DHX38: variants seen among roughly 807,000 people sequenced by gnomAD.
DHX38 encodes pre-mRNA-splicing factor ATP-dependent RNA helicase PRP16.
In DHX38, 100 loss-of-function variants were observed where a neutral mutation model predicts 153.1. The ratio of observed to expected loss-of-function variants is 0.65; its 90% CI spans 0.56 to 0.77. The LOEUF (loss-of-function observed/expected upper bound fraction) is 0.77. Among genes scored for constraint, DHX38 ranks in the 30% least tolerant of loss-of-function variants. The pLI, the probability that DHX38 is intolerant of heterozygous loss-of-function variation, is 0.00. For missense variants in DHX38, 1,440 were observed against 1,654.0 expected (o/e 0.87, Z 2.24); for synonymous variants, 650 against 631.7 (o/e 1.03, Z -0.43).
chr16:72,094,034 A>G lies in DHX38; in HGVS notation c.-37A>G, dbSNP rs2041966682. On this transcript the variant is annotated 5_prime_UTR_variant, in exon 1 of 27. Transcript: ENST00000268482. ...CAGAATCCGGGACAGAAGGGTCCCA[A>G]GAGTCGCGCTTGGTGAGGTGAGAGT... 6.6e-6 allele frequency: 1 copy of G among 152,366 alleles called. No individual in the cohort carries two copies. 9.4% of individuals were successfully genotyped at this position (152,366 alleles called of 1,614,324 possible). A position where few individuals can be genotyped will look rare whatever the true frequency, so the allele number is the denominator to read the frequency against.
Position 72,104,382 on chromosome 16 carries a change from T to C in DHX38, c.2011-104T>C. On this transcript the variant is annotated intron_variant, in intron 14 of 26. Transcript: ENST00000268482. This position sits in a 1 kb window ranked among gnomAD's most constrained non-coding sequence, Gnocchi z 4.5. ...TTGGTAAGAATTGAATAGGCCCATT[T>C]GTCAGCTTTGGCTTGTGTTTCCTCG... 4.7e-6 allele frequency: 7 copies of C among 1,485,228 alleles called. 1 individual carries two copies. The South Asian group carries it at 8.7e-5, about 18-fold the overall frequency. 92.0% of individuals were successfully genotyped at this position (1,485,228 alleles called of 1,614,324 possible).
rs200567958 is a variant in DHX38, at chr16:72,104,647, C to T, written c.2151+21C>T. 3.3e-5 allele frequency: 53 copies of T among 1,613,822 alleles called. No homozygotes were observed. The highest frequency in any genetic ancestry group is 4.0e-5 in the African/African-American group (3 of 75,046). On this transcript the variant is annotated intron_variant, in intron 15 of 26. Coordinates refer to ENST00000268482, the MANE Select transcript of DHX38 (RefSeq NM_014003.4). This position sits in a 1 kb window ranked among gnomAD's most constrained non-coding sequence, Gnocchi z 4.5. Reference sequence around the variant, plus strand: ...GCAAGGTATTGAGGCCACCATGTTACGAACTGACCCTTCCATGCCACGCAC... The same window carrying T: ...GCAAGGTATTGAGGCCACCATGTTATGAACTGACCCTTCCATGCCACGCAC...
At position 72,103,765 on chromosome 16, in the gene DHX38, A is replaced by G. The variant is rs2042132935; in HGVS notation, c.1801A>G (p.Met601Val). Reference protein sequence around the residue: ...MSVAKRVSEEMGGNLGEEVGY... With the variant: ...MSVAKRVSEEVGGNLGEEVGY... ...AGTGGCCAAGAGAGTCAGTGAAGAG[A>G]TGGGGGGAAACCTTGGCGAGGAGGT... Residue 601 changes from methionine (M) to valine (V), a missense_variant, in exon 13 of 27, where the codon ATG (methionine) becomes GTG (valine). Met to Val is a conservative substitution (Grantham distance 21, BLOSUM62 1). Around this residue, in one of 6 missense-constraint regions of DHX38, gnomAD observed 241 missense variants for 229.5 expected, o/e 1.05. Coordinates refer to ENST00000268482, the MANE Select transcript of DHX38 (RefSeq NM_014003.4). 1.2e-6 allele frequency: 2 copies of G among 1,612,524 alleles called. No homozygotes were observed. The highest frequency in any genetic ancestry group is 1.6e-4 in the Middle Eastern group (1 of 6,078).
chr16:72,104,542 G>A lies in DHX38; in HGVS notation c.2067G>A (p.Ala689=), dbSNP rs199994362. The A allele has an allele frequency of 3.0e-4, 485 of 1,614,120 alleles. 4 individuals are homozygous for A. The South Asian group carries it at 4.3e-3, about 14-fold the overall frequency. The change falls in exon 15 of 27, where the codon GCG becomes GCA. Residue 689 remains alanine, a synonymous_variant. Transcript: ENST00000268482. This position sits in a 1 kb window ranked among gnomAD's most constrained non-coding sequence, Gnocchi z 4.5. ...TCGTCACATCAGCCACGATGGATGC[G>A]GAGAAGTTTGCTGCCTTTTTTGGGA... ...KLIVTSATMD[A]EKFAAFFGNV...
At position 72,096,555 on chromosome 16, in the gene DHX38, C is replaced by T. The variant is rs1429595640; in HGVS notation, c.323+75C>T. ...AAAATAACAGCTCATGTTTATCTCT[C>T]AGTTTTCCTGTTGGAGATTTAGAGC... On this transcript the variant is annotated intron_variant, in intron 2 of 26. Transcript: ENST00000268482. 8.8e-6 allele frequency: 13 copies of T among 1,478,448 alleles called. No individual in the cohort carries two copies. In the East Asian group the frequency reaches 2.9e-4, roughly 33 times the overall value. The allele number at this position is 1,478,448 out of a possible 1,614,324, so 91.6% of individuals were successfully genotyped here. A position where few individuals can be genotyped will look rare whatever the true frequency, so the allele number is the denominator to read the frequency against.
chr16:72,094,242 C>G (rs2041971499), intron 1 of DHX38, 191 bp downstream of exon 1: 1 of 152,754 alleles, frequency 6.5e-6, no homozygotes, highest in Non-Finnish European at 1.5e-5. Context: ...CCTCCTTGCT[C>G]TGGTCAAATC....
chr16:72,109,030 G>A (rs1379104413), intron 24 of DHX38, 105 bp downstream of exon 24: 1 of 1,472,646 alleles, frequency 6.8e-7, no homozygotes, highest in East Asian at 2.3e-5. Flanking sequence ...GGAGCCTTGA[G>A]GCCACATGCA....
At chr16:72,111,114 C>T (rs1425013245) in intron 26 of DHX38, 37 bp downstream of exon 26, 5 of 1,528,262 alleles carry the variant, frequency 3.3e-6, no homozygotes, top group Non-Finnish European at 4.4e-6. Context: ...TGGGGTGGCA[C>T]CCATCCCAGG....
At position 72,097,699 on chromosome 16, in the gene DHX38, C is replaced by G. The variant is rs2042040110; in HGVS notation, c.534C>G (p.His178Gln). Residue 178 changes from histidine to glutamine, a missense_variant, in exon 4 of 27, where the codon CAC (histidine) becomes CAG (glutamine). By Grantham distance (24) the His-to-Gln change is conservative. Transcript: ENST00000268482. ...TAGATGAGCGGGATAGAAGTAGGCA[C>G]AGCAGCAGATCAGAGCGAGATGGAG... ...RDRDERDRSRHSSRSERDGGS... is the reference protein window; with the variant it reads ...RDRDERDRSRQSSRSERDGGS... The G allele has an allele frequency of 6.2e-7, 1 of 1,613,988 alleles. No homozygotes were observed. Among genetic ancestry groups the G allele is most frequent in the South Asian group, 1.1e-5 (1 of 91,080 alleles).
intron 3 of DHX38, 83 bp downstream of exon 3, chr16:72,097,092 A>G: frequency 1.4e-6 from 2 of 1,469,482 alleles, no homozygotes; most frequent in South Asian, 2.8e-5. Flanking sequence ...GAGTTTTTGC[A>G]ACACCCATTT....
At chr16:72,112,193 C>A (rs1296986893) in intron 26 of DHX38, 1 of 585,000 alleles carries the variant, frequency 1.7e-6, no homozygotes. Flanking sequence ...TTGTTAAAAT[C>A]CGATCTAAAG....
chr16:72,096,959 GGAA>G lies in DHX38; in HGVS notation c.466_468del (p.Lys156del), dbSNP rs1407825918. On this transcript the variant is annotated inframe_deletion, in exon 3 of 27. Coordinates refer to ENST00000268482, the MANE Select transcript of DHX38 (RefSeq NM_014003.4). ...GCCTCGTCCAAAGAAGAAAAGGATT[GGAA>G]GAAGGAGAAATCGCGGGATCGAGAC... The G allele has an allele frequency of 1.2e-6, 2 of 1,614,076 alleles. No individual in the cohort carries two copies. Among genetic ancestry groups the G allele is most frequent in the Non-Finnish European group, 1.7e-6 (2 of 1,180,002 alleles).
Position 72,099,059 on chromosome 16 carries a change from G to A in DHX38, c.883+14G>A. 6.2e-7 allele frequency: 1 copy of A among 1,611,894 alleles called. No individual in the cohort carries two copies. Among genetic ancestry groups the A allele is most frequent in the Non-Finnish European group, 8.5e-7 (1 of 1,179,632 alleles). ...CCAGGGGCCGAGGTGAGGCCTGTGG[G>A]GCAGCAGGCAGAAGAGCAGGCTTGC... On this transcript the variant is annotated intron_variant, in intron 6 of 26. Coordinates refer to ENST00000268482, the MANE Select transcript of DHX38 (RefSeq NM_014003.4).
chr16:72,106,351 CA>C (rs2042176676), intron 19 of DHX38, among the ~76,000 whole-genome samples: 1 of 152,230 alleles, frequency 6.6e-6, no homozygotes, highest in African/African-American at 2.4e-5. Context: ...GGTACACATG[CA>C]GGTAATTACA....
At chr16:72,101,474 A>G (rs2042100176) in intron 10 of DHX38, 26 bp from the exon 11 acceptor site, 1 of 1,545,276 alleles carries the variant, frequency 6.5e-7, no homozygotes. Flanking sequence ...GGCAGGATGG[A>G]GCAGACTGAC....
chr16:72,104,107 C>A lies in DHX38; in HGVS notation c.1986C>A (p.Asp662Glu), dbSNP rs370417605. 3.7e-6 allele frequency: 6 copies of A among 1,614,134 alleles called. No homozygotes were observed. In the South Asian group the frequency reaches 5.5e-5, roughly 15 times the overall value. Reference sequence around the variant, plus strand: ...CCCACGAGCGCTCCCTCAACACTGACGTGCTCTTTGGGCTGCTCCGGGAGG... The same window carrying A: ...CCCACGAGCGCTCCCTCAACACTGAAGTGCTCTTTGGGCTGCTCCGGGAGG... ...DEAHERSLNT[D>E]VLFGLLREVV... Residue 662 changes from aspartate (D) to glutamate (E), a missense_variant, in exon 14 of 27, where the codon GAC (aspartate) becomes GAA (glutamate). Asp to Glu is a conservative substitution (Grantham distance 45). This residue lies in a region of DHX38 where 543 missense variants were observed against 717.9 expected (regional missense o/e 0.76). Transcript: ENST00000268482. This position sits in a 1 kb window ranked among gnomAD's most constrained non-coding sequence, Gnocchi z 4.5.
In DHX38 at chr16:72,098,711, C is replaced by G; in HGVS notation, c.683C>G (p.Ser228Ter). The change falls in exon 5 of 27, where the codon TCA becomes TGA. Residue 228 changes from serine (S) to a stop codon, truncating the protein, a stop_gained. Transcript: ENST00000268482. LOFTEE classifies it high-confidence loss of function. The stretch of plus-strand genomic sequence containing the variant: ...AGTGGCTATGGCTCCTCAAGGCGCT[C>G]ACAGTGGGAATCGCCCTCCCCGACG... ...EDSGYGSSRR[S>*]QWESPSPTPS... is the part of the protein sequence containing the mutation. The G allele has an allele frequency of 6.2e-7, 1 of 1,613,986 alleles. No individual in the cohort carries two copies. Among genetic ancestry groups the G allele is most frequent in the Non-Finnish European group, 8.5e-7 (1 of 1,179,996 alleles).
At position 72,107,263 on chromosome 16, in the gene DHX38, C is replaced by A; in HGVS notation, c.2601-77C>A. 7.0e-7 allele frequency: 1 copy of A among 1,436,468 alleles called. No homozygotes were observed. Among genetic ancestry groups the A allele is most frequent in the Non-Finnish European group, 9.4e-7 (1 of 1,068,144 alleles). The allele number at this position is 1,436,468 out of a possible 1,614,324, so 89.0% of individuals were successfully genotyped here. On this transcript the variant is annotated intron_variant, in intron 19 of 26. Coordinates refer to ENST00000268482, the MANE Select transcript of DHX38 (RefSeq NM_014003.4). This position sits in a 1 kb window ranked among gnomAD's most constrained non-coding sequence, Gnocchi z 5.3. ...GGGAGAAGAAATGAGAATTTCCTCC[C>A]TCCCTGTGGGATTTCATCTGTACTG... is the stretch of plus-strand genomic sequence containing the variant.
intron 4 of DHX38, 106 bp downstream of exon 4, chr16:72,097,887 G>C (rs1344878909): frequency 9.3e-7 from 1 of 1,080,908 alleles, no homozygotes; most frequent in Non-Finnish European, 1.4e-6. Context: ...CAGAATTCCC[G>C]ATTCTACCAT....
Sources: gnomAD v4.1 joint callset for allele counts (sites outside exome capture counted in the v4.1 genomes callset) on GRCh38, gnomAD v4.1.1 for gene constraint, gnomAD v4.1.1 regional missense constraint, Gnocchi (gnomAD v3.1) non-coding constraint, MANE v1.5 for transcripts, NCBI Gene and HGNC (gene_info 2026-07-23, HGNC 2026-07-21) for gene names.